The following DNER variants were observed in gnomAD, a reference collection of about 807,000 sequenced individuals.
DNER encodes delta/notch like EGF repeat containing, also known as delta and Notch-like epidermal growth factor-related receptor.
DNER carries 33 observed loss-of-function variants against 78.2 expected under a neutral mutation model. The observed-to-expected ratio is 0.42, with a 90% confidence interval of 0.32 to 0.56. DNER has a LOEUF of 0.56. Ranked by LOEUF, DNER falls within the 20% of genes least tolerant of loss-of-function variation. DNER has a pLI of 0.11. For missense variants in DNER, 918 were observed against 975.3 expected (o/e 0.94, Z 0.78); for synonymous variants, 417 against 384.8 (o/e 1.08, Z -0.98).
intron 8 of DNER, among the ~76,000 whole-genome samples, chr2:229,439,903 A>G (rs1194477468): frequency 6.6e-6 from 1 of 152,164 alleles, no homozygotes; most frequent in East Asian, 1.9e-4. Context: ...GCTAACTCCT[A>G]TTTTTAGTAG....
intron 12 of DNER, among the ~76,000 whole-genome samples, chr2:229,363,969 A>G (rs1284617503): frequency 2.0e-5 from 3 of 147,876 alleles, no homozygotes; most frequent in Non-Finnish European, 4.5e-5. Context: ...CACCAAAGAA[A>G]CTTGTCAATT....
intron 1 of DNER, among the ~76,000 whole-genome samples, chr2:229,684,103 T>A (rs911063231): frequency 1.5e-5 from 2 of 131,790 alleles, no homozygotes; most frequent in Non-Finnish European, 3.2e-5. Flanking sequence ...CCTACCAGAG[T>A]GTGTGTGTGT....
chr2:229,584,325 A>C (rs1028056936), intron 4 of DNER, among the ~76,000 whole-genome samples: 1 of 152,182 alleles, frequency 6.6e-6, no homozygotes, highest in Non-Finnish European at 1.5e-5. Flanking sequence ...AGACAGGAGA[A>C]GGAATTAACA....
At chr2:229,529,316 CAAGTT>C (rs1295324373) in intron 5 of DNER, among the ~76,000 whole-genome samples, 2 of 152,080 alleles carry the variant, frequency 1.3e-5, no homozygotes, top group Non-Finnish European at 2.9e-5. Context: ...GCGGATACTG[CAAGTT>C]TCCACTGTCT....
At chr2:229,495,869 T>G (rs1695491035) in intron 6 of DNER, among the ~76,000 whole-genome samples, 1 of 152,226 alleles carries the variant, frequency 6.6e-6, no homozygotes, top group South Asian at 2.1e-4. Context: ...CATTCTCATA[T>G]CATGTCTACC....
At chr2:229,580,759 C>T (rs1319567580) in intron 4 of DNER, among the ~76,000 whole-genome samples, 1 of 152,158 alleles carries the variant, frequency 6.6e-6, no homozygotes, top group Non-Finnish European at 1.5e-5. Context: ...AGCAGTCAGT[C>T]CCTGCCTGAG....
chr2:229,489,498 G>A (rs75297485), intron 6 of DNER, among the ~76,000 whole-genome samples: 17,646 of 151,312 alleles, frequency 0.12, 1,245 homozygotes, highest in South Asian at 0.2. Flanking sequence ...GGTGGGTGTG[G>A]GGGGCGCGGA....
chr2:229,440,996 G>GCTCAT (rs1175848626), intron 8 of DNER, among the ~76,000 whole-genome samples: 2 of 152,054 alleles, frequency 1.3e-5, no homozygotes, highest in African/African-American at 4.8e-5. Context: ...ATACATATCA[G>GCTCAT]CTCATATATA....
At chr2:229,669,396 G>T (rs1320528670) in intron 1 of DNER, among the ~76,000 whole-genome samples, 1 of 141,292 alleles carries the variant, frequency 7.1e-6, no homozygotes, top group Non-Finnish European at 1.5e-5. Flanking sequence ...ATAAAAGAAT[G>T]TCTATGTATA....
Position 229,700,731 on chromosome 2 carries a change from G to A in DNER, c.276+13417C>T, listed in dbSNP as rs906766406. Among the ~76,000 whole-genome samples, 4 of 151,502 alleles carry A rather than the reference G, an allele frequency of 2.6e-5. No homozygotes were observed. In the South Asian group the frequency reaches 6.3e-4, roughly 24 times the overall value. On this transcript the variant is annotated intron_variant, in intron 1 of 12. Coordinates refer to ENST00000341772, the MANE Select transcript of DNER (RefSeq NM_139072.4). ...AGATCGAGACTATCCTGGCTAACAC[G>A]GTGAAACCCCATCTCTACTAAAAAT...
At chr2:229,465,418 T>TG (rs1694782766) in intron 7 of DNER, among the ~76,000 whole-genome samples, 1 of 151,952 alleles carries the variant, frequency 6.6e-6, no homozygotes, top group African/African-American at 2.4e-5. Context: ...CAGCACACAA[T>TG]GGGACCAGGG....
At chr2:229,679,429 T>C (rs1574560899) in intron 1 of DNER, among the ~76,000 whole-genome samples, 1 of 152,250 alleles carries the variant, frequency 6.6e-6, no homozygotes, top group Non-Finnish European at 1.5e-5. Context: ...ATGTGAACTT[T>C]CAACTTCACT....
intron 5 of DNER, among the ~76,000 whole-genome samples, chr2:229,523,938 A>T (rs1030884425): frequency 6.6e-5 from 10 of 152,238 alleles, no homozygotes; most frequent in African/African-American, 2.4e-4. Context: ...GATCATCTTC[A>T]CTGTGAATAT....
At chr2:229,369,170 C>T (rs566466930) in intron 11 of DNER, among the ~76,000 whole-genome samples, 1 of 151,686 alleles carries the variant, frequency 6.6e-6, no homozygotes, top group Non-Finnish European at 1.5e-5. Context: ...GTTTTTAAAA[C>T]ATTTAAAACT....
chr2:229,510,466 AG>A (rs1238268127), intron 6 of DNER, among the ~76,000 whole-genome samples: 1 of 152,204 alleles, frequency 6.6e-6, no homozygotes, highest in Admixed American at 6.5e-5. Flanking sequence ...AGCACAGGCA[AG>A]GGGCAAAGGC....
At chr2:229,511,343 T>C (rs756868858) in intron 6 of DNER, among the ~76,000 whole-genome samples, 1 of 152,178 alleles carries the variant, frequency 6.6e-6, no homozygotes, top group Non-Finnish European at 1.5e-5. Context: ...AATAGCTGTG[T>C]CAAAACGTTC....
intron 5 of DNER, among the ~76,000 whole-genome samples, chr2:229,533,916 A>T (rs560679281): frequency 6.6e-6 from 1 of 152,360 alleles, no homozygotes; most frequent in East Asian, 1.9e-4. Flanking sequence ...ATACTTAAAG[A>T]CTTTTCTGAT....
chr2:229,695,138 A>G (rs1017386343), intron 1 of DNER, among the ~76,000 whole-genome samples: 8 of 152,004 alleles, frequency 5.3e-5, no homozygotes. Context: ...TTCCCCTTTC[A>G]CCATGATTGT....
chr2:229,405,548 G>A lies in DNER; in HGVS notation c.1723+1684C>T, dbSNP rs545762710. On this transcript the variant is annotated intron_variant, in intron 10 of 12. Transcript: ENST00000341772. ...TTTAAAAAATCATATTTCATATAAT[G>A]GACTATAGGGCAGCCAGTAAAAATA... Among the ~76,000 whole-genome samples, 12 of 152,046 alleles carry A rather than the reference G, an allele frequency of 7.9e-5. No individual in the cohort carries two copies. In the South Asian group the frequency reaches 2.3e-3, roughly 29 times the overall value.
Sources: gnomAD v4.1 joint callset for allele counts (sites outside exome capture counted in the v4.1 genomes callset) on GRCh38, gnomAD v4.1.1 for gene constraint, MANE v1.5 for transcripts, NCBI Gene and HGNC (gene_info 2026-07-23, HGNC 2026-07-21) for gene names.